Variants in TRIM31 observed in about 807,000 individuals in gnomAD.
TRIM31 encodes the protein tripartite motif containing 31.
TRIM31 carries 31 observed loss-of-function variants against 40.6 expected under a neutral mutation model. The ratio of observed to expected loss-of-function variants is 0.76; its 90% CI spans 0.57 to 1.03. The LOEUF is 1.03. TRIM31 is among the 50% of genes least tolerant of loss of function. The probability of loss-of-function intolerance (pLI) is 0.00; values close to 1 mark genes in which losing one functional copy is unlikely to be tolerated. For synonymous variants in TRIM31, 164 were observed against 193.9 expected (o/e 0.85, Z 1.28); for missense variants, 455 against 497.5 (o/e 0.91, Z 0.81).
Position 30,110,521 on chromosome 6 carries a change from T to G in TRIM31, c.671A>C (p.Gln224Pro), listed in dbSNP as rs1166538145. The G allele has an allele frequency of 6.2e-7, 1 of 1,614,180 alleles. No homozygotes were observed. ...GKHYVASTEP[Q>P]LNDLKKLVDS... ...AACGAGCTTCTTGAGATCGTTCAAC[T>G]GTGGCTCAGTGGAGGCAACATAGTG... Residue 224 changes from glutamine (Q) to proline (P), a missense_variant, in exon 4 of 9, where the codon CAG becomes CCG. Transcript: ENST00000376734.
rs1768419643 is a variant in TRIM31, at chr6:30,103,740, G to A, written c.1074C>T (p.Ser358=). The A allele has an allele frequency of 1.2e-6, 2 of 1,613,100 alleles. No homozygotes were observed. The highest frequency in any genetic ancestry group is 1.7e-6 in the Non-Finnish European group (2 of 1,180,044). ...CAGACGAGGCCCGAAACAGGGAGTGGGATGGGGCTGAAGAGTGGTGATTTG... is the reference window on the plus strand; with the variant it reads ...CAGACGAGGCCCGAAACAGGGAGTGAGATGGGGCTGAAGAGTGGTGATTTG... ...GPPNHHSSAP[S]HSLFRASSAG... is the part of the protein sequence containing the mutation. Residue 358 remains serine, a synonymous_variant, in exon 9 of 9, where the codon TCC becomes TCT. Transcript: ENST00000376734.
Position 30,112,401 on chromosome 6 carries a change from G to A in TRIM31, c.405C>T (p.Ala135=). Residue 135 remains alanine (A), a synonymous_variant, in exon 2 of 9, where the codon GCC becomes GCT. Transcript: ENST00000376734. ...CTCAAATGCCTACCTGATAATTCTG[G>A]GCAGCTTCTTCGATCAAGCTGACAT... ...SHNVSLIEEA[A]QNYQGQIQEQ... is the part of the protein sequence containing the mutation. 6.2e-7 allele frequency: 1 copy of A among 1,610,756 alleles called. No individual in the cohort carries two copies. Among genetic ancestry groups the A allele is most frequent in the Non-Finnish European group, 8.5e-7 (1 of 1,178,894 alleles).
Position 30,111,659 on chromosome 6 carries a change from C to T in TRIM31, c.502G>A (p.Asp168Asn). The T allele has an allele frequency of 3.1e-6, 5 of 1,614,096 alleles. 1 individual carries two copies. Among genetic ancestry groups the T allele is most frequent in the South Asian group, 2.2e-5 (2 of 91,076 alleles). ...QVKAQGVHRV[D>N]VFTDQVEHEK... is the part of the protein sequence containing the mutation. The stretch of plus-strand genomic sequence containing the variant: ...GGAGTTTTTCTTACCGTGAAGACAT[C>T]GACCCTGTGTACACCTTGTGCCTTC... Residue 168 changes from aspartate (D) to asparagine (N), a missense_variant, in exon 3 of 9, where the codon GAT (aspartate) becomes AAT (asparagine). Transcript: ENST00000376734.
At chr6:30,106,015 C>T (rs1396245642) in intron 6 of TRIM31, among the ~76,000 whole-genome samples, 2 of 152,234 alleles carry the variant, frequency 1.3e-5, no homozygotes, top group African/African-American at 2.4e-5. Context: ...CTTCATCTCC[C>T]AGTTCACCCC....
Position 30,108,172 on chromosome 6 carries a change from G to GGAAGT in TRIM31, c.768-5_768-4insACTTC. 6.3e-7 allele frequency: 1 copy of GGAAGT among 1,597,450 alleles called. No individual in the cohort carries two copies. The highest frequency in any genetic ancestry group is 8.6e-7 in the Non-Finnish European group (1 of 1,165,938). ...GAGAAACTGAAACTCTTCACTTCTA[G>GGAAGT]GAAGATGTGGTTGAGCTGGTTGGTG... On this transcript the variant is annotated splice_polypyrimidine_tract_variant and splice_region_variant and intron_variant, in intron 5 of 8. Coordinates refer to ENST00000376734, the MANE Select transcript of TRIM31 (RefSeq NM_007028.5).
Position 30,108,092 on chromosome 6 carries a change from T to C in TRIM31, c.844A>G (p.Arg282Gly), listed in dbSNP as rs1768900980. ...LEKKLSEAKSRHDSITGSLKK... is the reference protein window; with the variant it reads ...LEKKLSEAKSGHDSITGSLKK... ...AGGCTCCCTGTGATGGAGTCATGTC[T>C]TGATTTTGCTTCACTGAGTTTTTTC... The change falls in exon 6 of 9, where the codon AGA becomes GGA. Residue 282 changes from arginine to glycine, a missense_variant. Transcript: ENST00000376734. 1 of 1,609,808 alleles carries C rather than the reference T, an allele frequency of 6.2e-7. No homozygotes were observed. Among genetic ancestry groups the C allele is most frequent in the Admixed American group, 1.7e-5 (1 of 59,990 alleles).
intron 3 of TRIM31, 174 bp downstream of exon 3, chr6:30,111,474 A>G (rs894862037): frequency 4.2e-5 from 26 of 622,560 alleles, no homozygotes; most frequent in African/African-American, 2.8e-4. Context: ...AGCCCGCTGT[A>G]ATAGCGAGGC....
chr6:30,112,972 G>T, intron 1 of TRIM31, 84 bp from the exon 2 acceptor site: 1 of 577,944 alleles, frequency 1.7e-6, no homozygotes, highest in Non-Finnish European at 2.8e-6. Flanking sequence ...AGGAAAAGAA[G>T]AGGGAGAAAA....
At position 30,112,952 on chromosome 6, in the gene TRIM31, G is replaced by A. The variant is rs919147946; in HGVS notation, c.-83-64C>T. 2.3e-5 allele frequency: 15 copies of A among 655,368 alleles called. No homozygotes were observed. In the African/African-American group the frequency reaches 2.8e-4, roughly 12 times the overall value. The allele number at this position is 655,368 out of a possible 1,614,324, so 40.6% of individuals were successfully genotyped here. ...GAGATTCTGCCAATTAGTTAGAAGA[G>A]CAGAGAGAGAGGAAAAGAAGAGGGA... On this transcript the variant is annotated intron_variant, in intron 1 of 8. Transcript: ENST00000376734.
intron 6 of TRIM31, among the ~76,000 whole-genome samples, chr6:30,105,821 TG>T (rs1768623730): frequency 6.6e-6 from 1 of 152,188 alleles, no homozygotes; most frequent in African/African-American, 2.4e-5. Context: ...GGACAAAGAG[TG>T]CCTTGAGGCT....
Position 30,103,243 on chromosome 6 carries a change from C to T in TRIM31, c.*293G>A, listed in dbSNP as rs535547135. On this transcript the variant is annotated 3_prime_UTR_variant, in exon 9 of 9. Coordinates refer to ENST00000376734, the MANE Select transcript of TRIM31 (RefSeq NM_007028.5). ...GGACTGCTGCAGGGACTTCCTTTTT[C>T]CACTAGGCGGCACCACAGCCAAAGT... 1.2e-4 allele frequency: 63 copies of T among 544,562 alleles called. No individual in the cohort carries two copies. Among genetic ancestry groups the T allele is most frequent in the African/African-American group, 1.1e-3 (56 of 52,974 alleles). 33.7% of individuals were successfully genotyped at this position (544,562 alleles called of 1,614,324 possible). A position where few individuals can be genotyped will look rare whatever the true frequency, so the allele number is the denominator to read the frequency against.
chr6:30,103,107 G>A lies in TRIM31; in HGVS notation c.*429C>T, dbSNP rs866953625. 3 of 200,766 alleles carry A rather than the reference G, an allele frequency of 1.5e-5. No individual in the cohort carries two copies. The highest frequency in any genetic ancestry group is 2.0e-5 in the Non-Finnish European group (2 of 97,874). 12.4% of individuals were successfully genotyped at this position (200,766 alleles called of 1,614,324 possible). ...GGGAATGTAAGGAAGAGCGAGAGTG[G>A]TCGGGCTCATGGGGTTTGATGGACT... On this transcript the variant is annotated 3_prime_UTR_variant, in exon 9 of 9. Coordinates refer to ENST00000376734, the MANE Select transcript of TRIM31 (RefSeq NM_007028.5).
intron 6 of TRIM31, chr6:30,105,513 T>G (rs749752196): frequency 1.8e-5 from 5 of 271,370 alleles, no homozygotes; most frequent in Middle Eastern, 2.1e-3. Flanking sequence ...TTTTTAAATT[T>G]TCTAGTAGTC....
Position 30,111,708 on chromosome 6 carries a change from T to C in TRIM31, c.453A>G (p.Gln151=), listed in dbSNP as rs139714122. 62 of 1,614,128 alleles carry C rather than the reference T, an allele frequency of 3.8e-5. No individual in the cohort carries two copies. In the Middle Eastern group the frequency reaches 9.9e-4, roughly 26 times the overall value. ...QIQEQIQVLQ[Q]KEKETVQVKA... ...TCACTTGTACTGTCTCCTTCTCCTT[T>C]TGCTGCAAGACTTGGATCTGCTCTT... Residue 151 remains glutamine, a synonymous_variant, in exon 3 of 9, where the codon CAA becomes CAG. Coordinates refer to ENST00000376734, the MANE Select transcript of TRIM31 (RefSeq NM_007028.5).
In TRIM31 at chr6:30,103,586, C is replaced by A. The variant is rs146885411; in HGVS notation, c.1228G>T (p.Glu410Ter). ...CAAGCCCGGATCGCTGTCAGCCACT[C>A]ACTCAGTGCCGCATGGAGCTCCTCG... ...LSEELHAALS[E>*]WLTAIRAWFC... is the part of the protein sequence containing the mutation. Residue 410 changes from glutamate (E) to a stop codon, truncating the protein, a stop_gained, in exon 9 of 9, where the codon GAG becomes TAG. Transcript: ENST00000376734. LOFTEE classifies it low-confidence loss of function (END_TRUNC). 7,800 of 1,613,104 alleles carry A rather than the reference C, an allele frequency of 4.8e-3. 28 individuals carry two copies. Among genetic ancestry groups the A allele is most frequent in the Non-Finnish European group, 6.0e-3 (7,112 of 1,180,036 alleles).
chr6:30,108,966 G>T, intron 5 of TRIM31, 60 bp downstream of exon 5: 1 of 1,559,210 alleles, frequency 6.4e-7, no homozygotes, highest in Non-Finnish European at 8.8e-7. Flanking sequence ...TTGGATATAC[G>T]CTGAGAATTG....
chr6:30,105,333 G>T (rs1022408587), intron 6 of TRIM31, 91 bp from the exon 7 acceptor site: 16 of 980,884 alleles, frequency 1.6e-5, no homozygotes, highest in African/African-American at 3.2e-5. Context: ...AATTTGAAAT[G>T]CCTGGGAGAA....
chr6:30,104,003 A>G (rs1487094954), intron 8 of TRIM31, 99 bp downstream of exon 8: 4 of 1,407,356 alleles, frequency 2.8e-6, no homozygotes, highest in Non-Finnish European at 2.0e-6. Context: ...GAATTCATTC[A>G]TTTATTCATT....
In TRIM31 at chr6:30,103,617, C is replaced by T. The variant is rs781253950; in HGVS notation, c.1197G>A (p.Ala399=). ...SSQDTKTFDV[A]LSEELHAALS... The stretch of plus-strand genomic sequence containing the variant: ...GTGCCGCATGGAGCTCCTCGGACAG[C>T]GCAACGTCAAATGTCTTCGTATCCT... The change falls in exon 9 of 9, where the codon GCG becomes GCA. Residue 399 remains alanine (A), a synonymous_variant. Coordinates refer to ENST00000376734, the MANE Select transcript of TRIM31 (RefSeq NM_007028.5). 7.4e-6 allele frequency: 12 copies of T among 1,612,928 alleles called. No homozygotes were observed. In the South Asian group the frequency reaches 1.3e-4, roughly 18 times the overall value.
Sources: gnomAD v4.1 joint callset for allele counts (sites outside exome capture counted in the v4.1 genomes callset) on GRCh38, gnomAD v4.1.1 for gene constraint, MANE v1.5 for transcripts, NCBI Gene and HGNC (gene_info 2026-07-23, HGNC 2026-07-21) for gene names.